RAP1A: variants seen among roughly 807,000 people sequenced by gnomAD.
RAP1A encodes ras-related protein Rap-1A.
RAP1A carries 6 observed loss-of-function variants against 26.4 expected under a neutral mutation model. The observed-to-expected ratio is 0.23, with a 90% CI of 0.12 to 0.45. The LOEUF (loss-of-function observed/expected upper bound fraction) is 0.45. Among genes scored for constraint, RAP1A ranks in the 20% least tolerant of loss-of-function variants. The pLI is 0.99. For missense variants in RAP1A, 121 were observed against 217.2 expected (o/e 0.56, Z 2.78); for synonymous variants, 73 against 79.4 (o/e 0.92, Z 0.43).
chr1:111,655,297 C>T (rs533900), intron 1 of RAP1A, among the ~76,000 whole-genome samples: 19,382 of 148,644 alleles, frequency 0.13, 1,469 homozygotes, highest in East Asian at 0.21. Context: ...TTAACTTGAG[C>T]GTGATAAACA....
Position 111,584,618 on chromosome 1 carries a change from G to C in RAP1A, c.-28+42109G>C, listed in dbSNP as rs185322949. Among the ~76,000 whole-genome samples the C allele has an allele frequency of 1.2e-4, 19 of 152,174 alleles. 1 individual carries two copies. In the East Asian group the frequency reaches 3.7e-3, roughly 29 times the overall value. On this transcript the variant is annotated intron_variant, in intron 1 of 7. Coordinates refer to the RAP1A transcript ENST00000356415. ...TAGGCTCTAACATATGCATGTGGGGGGACACTGCATTCATACTGTAGATAA... is the reference window on the plus strand; with the variant it reads ...TAGGCTCTAACATATGCATGTGGGGCGACACTGCATTCATACTGTAGATAA...
chr1:111,578,146 A>G (rs1658181096), intron 1 of RAP1A, among the ~76,000 whole-genome samples: 1 of 152,162 alleles, frequency 6.6e-6, no homozygotes, highest in Admixed American at 6.6e-5. Flanking sequence ...CTGAGTTTTG[A>G]GAAATGAGAA....
At position 111,713,619 on chromosome 1, in the gene RAP1A, AAG is replaced by A. The variant is rs900106410; in HGVS notation, c.*1219_*1220del. ...AGTGAGAGAAAGTTAAAACACATAA[AAG>A]GAATGTGTTACTTTTGCTTAAACTA... is the stretch of plus-strand genomic sequence containing the variant. On this transcript the variant is annotated 3_prime_UTR_variant, in exon 8 of 8. Transcript: ENST00000369709. 1 of 152,200 alleles carries A rather than the reference AAG, an allele frequency of 6.6e-6. No homozygotes were observed. Among genetic ancestry groups the A allele is most frequent in the Admixed American group, 6.5e-5 (1 of 15,278 alleles). The allele number at this position is 152,200 out of a possible 1,614,324, so 9.4% of individuals were successfully genotyped here. A position where few individuals can be genotyped will look rare whatever the true frequency, so the allele number is the denominator to read the frequency against.
intron 1 of RAP1A, among the ~76,000 whole-genome samples, chr1:111,552,513 A>G (rs1010325267): frequency 6.6e-6 from 1 of 152,212 alleles, no homozygotes; most frequent in Non-Finnish European, 1.5e-5. Flanking sequence ...GTTCATTTTC[A>G]GAGTACCTTA....
chr1:111,634,194 C>G (rs1197536941), intron 1 of RAP1A, among the ~76,000 whole-genome samples: 2 of 152,172 alleles, frequency 1.3e-5, no homozygotes, highest in African/African-American at 4.8e-5. Context: ...ATTTTAAAAA[C>G]ATTCAAATAT....
intron 1 of RAP1A, among the ~76,000 whole-genome samples, chr1:111,676,149 A>G (rs777955915): frequency 3.9e-5 from 6 of 152,162 alleles, no homozygotes; most frequent in Non-Finnish European, 7.3e-5. Flanking sequence ...TGAGGTCAGG[A>G]GTTCGAGACC....
intron 1 of RAP1A, among the ~76,000 whole-genome samples, chr1:111,684,688 G>A (rs532536991): frequency 3.3e-5 from 5 of 152,046 alleles, no homozygotes; most frequent in South Asian, 4.2e-4. Flanking sequence ...AATCAATATC[G>A]TGAAAATGGT....
At chr1:111,704,253 A>G (rs1445863843) in intron 5 of RAP1A, 90 bp from the exon 6 acceptor site, 1 of 1,361,054 alleles carries the variant, frequency 7.3e-7, no homozygotes, top group East Asian at 2.5e-5. Context: ...AATGCATTTC[A>G]GTTGGTGGCA....
At position 111,664,331 on chromosome 1, in the gene RAP1A, G is replaced by A. The variant is rs144307267; in HGVS notation, c.-27-27003G>A. On this transcript the variant is annotated intron_variant, in intron 1 of 7. Coordinates refer to ENST00000369709, the MANE Select transcript of RAP1A (RefSeq NM_002884.4). Reference sequence around the variant, plus strand: ...GGAGGTTGTAGTAAGCTGAGATTGCGCAACTGCACTACAGCCTGGGCAACA... The same window carrying A: ...GGAGGTTGTAGTAAGCTGAGATTGCACAACTGCACTACAGCCTGGGCAACA... Among the ~76,000 whole-genome samples the A allele has an allele frequency of 3.6e-3, 473 of 130,726 alleles. 4 individuals are homozygous for A. The highest frequency in any genetic ancestry group is 0.013 in the African/African-American group (460 of 35,090). 85.8% of individuals were successfully genotyped at this position (130,726 alleles called of 152,430 possible).
intron 4 of RAP1A, among the ~76,000 whole-genome samples, chr1:111,701,548 T>C (rs1662023268): frequency 6.6e-6 from 1 of 152,226 alleles, no homozygotes; most frequent in South Asian, 2.1e-4. Context: ...TCATGATCAC[T>C]AACATATCCA....
At chr1:111,626,097 T>C (rs1348048849) in intron 1 of RAP1A, among the ~76,000 whole-genome samples, 2 of 152,246 alleles carry the variant, frequency 1.3e-5, no homozygotes, top group African/African-American at 4.8e-5. Context: ...CAGCCTGTCA[T>C]GTGTTTTATA....
chr1:111,583,236 T>C (rs1225823772), intron 1 of RAP1A, among the ~76,000 whole-genome samples: 2 of 151,514 alleles, frequency 1.3e-5, no homozygotes, highest in African/African-American at 2.4e-5. Flanking sequence ...GCCCAATTAT[T>C]CTCTAGGGCA....
intron 1 of RAP1A, among the ~76,000 whole-genome samples, chr1:111,642,734 G>A (rs7543725): frequency 0.055 from 8,312 of 150,034 alleles, 251 homozygotes; most frequent in Non-Finnish European, 0.064. Context: ...TGATCCACCC[G>A]CCTTGGCCTC....
chr1:111,605,874 C>T (rs910468948), intron 1 of RAP1A, among the ~76,000 whole-genome samples: 7 of 152,112 alleles, frequency 4.6e-5, no homozygotes, highest in African/African-American at 1.7e-4. Flanking sequence ...CAAAATAATC[C>T]CCATTAAGTT....
At chr1:111,638,680 C>T (rs1428359045) in intron 1 of RAP1A, among the ~76,000 whole-genome samples, 1 of 152,106 alleles carries the variant, frequency 6.6e-6, no homozygotes, top group Non-Finnish European at 1.5e-5. Flanking sequence ...CCCACCTTTG[C>T]CCCCCAAAGT....
chr1:111,573,992 T>C (rs7540277), intron 1 of RAP1A, among the ~76,000 whole-genome samples: 8,379 of 152,314 alleles, frequency 0.055, 822 homozygotes, highest in African/African-American at 0.19. Context: ...TTGCTTTTGT[T>C]GCAATCGCTT....
rs994763442 is a variant in RAP1A at position 111,593,652 on chromosome 1, CTTTTTTTTTTTT to C, written c.-28+51159_-28+51170del. Among the ~76,000 whole-genome samples the C allele has an allele frequency of 5.4e-4, 35 of 65,382 alleles. No homozygotes were observed. The Admixed American group carries it at 6.7e-3, about 13-fold the overall frequency. 42.9% of individuals were successfully genotyped at this position (65,382 alleles called of 152,430 possible). On this transcript the variant is annotated intron_variant, in intron 1 of 7. Transcript: ENST00000356415. ...CTGGCAGCTTAAGTTATGACTCCTA[CTTTTTTTTTTTT>C]TTTTTTTTTTTTTTTACCTTTCTAA...
At chr1:111,563,288 A>G (rs894733031) in intron 1 of RAP1A, among the ~76,000 whole-genome samples, 2 of 152,102 alleles carry the variant, frequency 1.3e-5, no homozygotes, top group African/African-American at 4.8e-5. Context: ...AAATAAATAA[A>G]TAAATAAATA....
At position 111,583,791 on chromosome 1, in the gene RAP1A, A is replaced by G. The variant is rs76981624; in HGVS notation, c.-28+41282A>G. On this transcript the variant is annotated intron_variant, in intron 1 of 7. Transcript: ENST00000356415. ...CAGCTATTAAACGTTATACTTAACA[A>G]GAGTAATAGTAACACTAGGAACGAT... Among the ~76,000 whole-genome samples, 690 of 152,248 alleles carry G rather than the reference A, an allele frequency of 4.5e-3. 6 individuals are homozygous for G. Among genetic ancestry groups the G allele is most frequent in the African/African-American group, 0.016 (644 of 41,518 alleles).
Sources: allele counts gnomAD v4.1 joint callset (sites outside exome capture counted in the v4.1 genomes callset), GRCh38; gene constraint gnomAD v4.1.1; transcripts MANE v1.5; gene names NCBI Gene and HGNC (gene_info 2026-07-23, HGNC 2026-07-21).